The following MAN1A1 variants were observed in gnomAD, a reference collection of about 807,000 sequenced individuals.
MAN1A1 encodes mannosyl-oligosaccharide 1,2-alpha-mannosidase IA.
In MAN1A1, 29 loss-of-function variants were observed where a neutral mutation model predicts 70.8. The ratio of observed to expected loss-of-function variants is 0.41; its 90% CI spans 0.31 to 0.56. The LOEUF (loss-of-function observed/expected upper bound fraction) is 0.56. Among genes scored for constraint, MAN1A1 ranks in the 20% least tolerant of loss-of-function variants. The pLI is 0.29. For missense variants in MAN1A1, 747 were observed against 841.3 expected (o/e 0.89, Z 1.39); for synonymous variants, 349 against 330.1 (o/e 1.06, Z -0.62).
intron 5 of MAN1A1, among the ~76,000 whole-genome samples, chr6:119,289,503 C>A (rs1239071712): frequency 6.9e-6 from 1 of 144,852 alleles, no homozygotes; most frequent in Non-Finnish European, 1.5e-5. Context: ...GAACTGAACA[C>A]ATGAAGTTAT....
At chr6:119,333,574 T>A (rs1773377491) in intron 2 of MAN1A1, among the ~76,000 whole-genome samples, 1 of 152,224 alleles carries the variant, frequency 6.6e-6, no homozygotes, top group Non-Finnish European at 1.5e-5. Flanking sequence ...AAAAGACAGC[T>A]AATACTAAAT....
intron 8 of MAN1A1, among the ~76,000 whole-genome samples, chr6:119,194,790 G>A (rs1338238414): frequency 8.9e-5 from 6 of 67,768 alleles, no homozygotes; most frequent in African/African-American, 1.9e-4. Context: ...TCCACTACAC[G>A]TATTATCAAC....
At chr6:119,240,771 G>C (rs1406295418) in intron 6 of MAN1A1, among the ~76,000 whole-genome samples, 1 of 152,200 alleles carries the variant, frequency 6.6e-6, no homozygotes, top group Non-Finnish European at 1.5e-5. Flanking sequence ...TTTAAATTAA[G>C]TGTTGCTATC....
intron 2 of MAN1A1, among the ~76,000 whole-genome samples, chr6:119,320,216 C>T (rs989427523): frequency 1.3e-5 from 2 of 152,184 alleles, no homozygotes; most frequent in Non-Finnish European, 2.9e-5. Context: ...TCGTGATCTG[C>T]CTGCCTCCGC....
intron 6 of MAN1A1, among the ~76,000 whole-genome samples, chr6:119,223,716 A>C (rs1160525006): frequency 6.6e-6 from 1 of 152,160 alleles, no homozygotes; most frequent in African/African-American, 2.4e-5. Context: ...GCAGCTACTA[A>C]AGGTCAGAGA....
chr6:119,247,633 G>A (rs192888847), intron 6 of MAN1A1, among the ~76,000 whole-genome samples: 1 of 152,216 alleles, frequency 6.6e-6, no homozygotes, highest in East Asian at 1.9e-4. Flanking sequence ...TTCAGCCTGG[G>A]ATGTGTGTGT....
intron 6 of MAN1A1, among the ~76,000 whole-genome samples, chr6:119,240,249 A>G (rs2114304513): frequency 6.6e-6 from 1 of 152,320 alleles, no homozygotes; most frequent in African/African-American, 2.4e-5. Context: ...AATTCTCTAC[A>G]CATCACCTTG....
rs1274539603 is a variant in MAN1A1, at chr6:119,189,958, A to C, written c.1327-75T>G. 4.4e-6 allele frequency: 5 copies of C among 1,129,744 alleles called. No individual in the cohort carries two copies. The African/African-American group carries it at 7.8e-5, about 18-fold the overall frequency. 70.0% of individuals were successfully genotyped at this position (1,129,744 alleles called of 1,614,324 possible). On this transcript the variant is annotated intron_variant, in intron 9 of 12. Coordinates refer to ENST00000368468, the MANE Select transcript of MAN1A1 (RefSeq NM_005907.4). ...ATACTAAAAATATGCCCAACATTAAAAAAAAAAGAATAGAATACACCTGAC... is the reference window on the plus strand; with the variant it reads ...ATACTAAAAATATGCCCAACATTAACAAAAAAAGAATAGAATACACCTGAC...
chr6:119,184,789 T>C (rs571564386), intron 11 of MAN1A1, among the ~76,000 whole-genome samples: 68 of 152,274 alleles, frequency 4.5e-4, no homozygotes, highest in African/African-American at 1.6e-3. Flanking sequence ...AGCTGAGACA[T>C]TATATAATCT....
chr6:119,344,345 A>G (rs890717496), intron 2 of MAN1A1, among the ~76,000 whole-genome samples: 1 of 151,932 alleles, frequency 6.6e-6, no homozygotes, highest in Admixed American at 6.6e-5. Flanking sequence ...TACTGTATAT[A>G]TGTATTTTTT....
At chr6:119,266,963 T>C (rs1270297238) in intron 5 of MAN1A1, among the ~76,000 whole-genome samples, 1 of 152,200 alleles carries the variant, frequency 6.6e-6, no homozygotes, top group African/African-American at 2.4e-5. Context: ...GACAAACAGA[T>C]GGTAAATAAG....
intron 6 of MAN1A1, among the ~76,000 whole-genome samples, chr6:119,227,340 T>C (rs1484405179): frequency 1.3e-5 from 2 of 152,232 alleles, no homozygotes; most frequent in East Asian, 3.9e-4. Context: ...ATCTTGATTG[T>C]GGCAGTGTCT....
rs1017770704 is a variant in MAN1A1 at position 119,349,659 on chromosome 6, C to T, written c.-340G>A. The T allele has an allele frequency of 1.6e-5, 16 of 985,720 alleles. No individual in the cohort carries two copies. Among genetic ancestry groups the T allele is most frequent in the Non-Finnish European group, 1.9e-5 (16 of 830,012 alleles). 61.1% of individuals were successfully genotyped at this position (985,720 alleles called of 1,614,324 possible). A position where few individuals can be genotyped will look rare whatever the true frequency, so the allele number is the denominator to read the frequency against. ...TGGGCTGAGCGCGCTGTCCCACGGT[C>T]CCGCAGCCCCGGCGCGGCTCAGGTG... On this transcript the variant is annotated 5_prime_UTR_variant, in exon 1 of 13. Transcript: ENST00000368468.
chr6:119,301,773 C>A (rs1420267863), intron 4 of MAN1A1, among the ~76,000 whole-genome samples: 1 of 152,164 alleles, frequency 6.6e-6, no homozygotes, highest in African/African-American at 2.4e-5. Flanking sequence ...ATACTAACTT[C>A]TTTTCTCTTA....
At chr6:119,326,069 G>C (rs1773139056) in intron 2 of MAN1A1, among the ~76,000 whole-genome samples, 1 of 152,188 alleles carries the variant, frequency 6.6e-6, no homozygotes, top group African/African-American at 2.4e-5. Context: ...CGAGGGGAGT[G>C]GGTGGATGAA....
chr6:119,331,675 G>C (rs986773041), intron 2 of MAN1A1, among the ~76,000 whole-genome samples: 6 of 151,038 alleles, frequency 4.0e-5, no homozygotes, highest in African/African-American at 1.5e-4. Context: ...TTACTCTTGA[G>C]AGGCTTTTCC....
At chr6:119,203,101 C>T (rs78617560) in intron 7 of MAN1A1, among the ~76,000 whole-genome samples, 5,797 of 152,248 alleles carry the variant, frequency 0.038, 147 homozygotes, top group Non-Finnish European at 0.06. Context: ...AGAATAAAAC[C>T]TACCTCATGG....
chr6:119,348,316 G>A, intron 2 of MAN1A1, 147 bp downstream of exon 2: 7 of 757,378 alleles, frequency 9.2e-6, no homozygotes, highest in Middle Eastern at 3.7e-4. Flanking sequence ...GGAAAAGAAA[G>A]AGCTTTTGAC....
upstream of MAN1A1, chr6:119,350,561 C>T (rs1773887587): frequency 4.1e-6 from 4 of 985,180 alleles, no homozygotes; most frequent in South Asian, 9.4e-5. Flanking sequence ...CATTCGAAGA[C>T]GAGTTTTATG....
Sources: allele counts gnomAD v4.1 joint callset (sites outside exome capture counted in the v4.1 genomes callset), GRCh38; gene constraint gnomAD v4.1.1; transcripts MANE v1.5; gene names NCBI Gene and HGNC (gene_info 2026-07-23, HGNC 2026-07-21).